The following HSD17B12 variants were observed in gnomAD, a reference collection of about 807,000 sequenced individuals.
The protein encoded by HSD17B12 is very-long-chain 3-oxoacyl-CoA reductase.
A neutral mutation model predicts 39.3 loss-of-function variants in HSD17B12; 32 were observed. The observed-to-expected ratio is 0.81, with a 90% CI of 0.61 to 1.09. The LOEUF (loss-of-function observed/expected upper bound fraction) is 1.09. Among genes scored for constraint, HSD17B12 ranks in the 50% least tolerant of loss-of-function variants. The pLI is 0.00. For missense variants in HSD17B12, 342 were observed against 382.9 expected (o/e 0.89, Z 0.89); for synonymous variants, 150 against 146.7 (o/e 1.02, Z -0.16).
chr11:43,709,846 G>C (rs1472095916), intron 1 of HSD17B12, among the ~76,000 whole-genome samples: 1 of 152,162 alleles, frequency 6.6e-6, no homozygotes, highest in Non-Finnish European at 1.5e-5. Flanking sequence ...ATCTCTTGGT[G>C]AACACTGGGC....
chr11:43,734,187 T>C (rs1950295129), intron 1 of HSD17B12: 15 of 1,572,958 alleles, frequency 9.5e-6, no homozygotes, highest in Non-Finnish European at 1.3e-5. Flanking sequence ...AGAGAGCTGG[T>C]CTCCAGGCAG....
intron 1 of HSD17B12, among the ~76,000 whole-genome samples, chr11:43,725,860 C>G (rs1950215823): frequency 6.6e-6 from 1 of 151,958 alleles, no homozygotes; most frequent in Non-Finnish European, 1.5e-5. Flanking sequence ...AACAGAGGAA[C>G]AGATATGAGA....
At chr11:43,671,058 C>T in the HSD17B12 span, among the ~76,000 whole-genome samples, 3 of 152,254 alleles carry the variant, frequency 2.0e-5, no homozygotes, top group Admixed American at 2.0e-4. Flanking sequence ...TCAAATTCCG[C>T]TATATTATTT....
intron 3 of HSD17B12, among the ~76,000 whole-genome samples, chr11:43,762,787 C>T (rs879106793): frequency 3.3e-5 from 5 of 152,152 alleles, no homozygotes; most frequent in Admixed American, 1.3e-4. Context: ...TTGTTGATAA[C>T]GTAATCTTAG....
the HSD17B12 span, among the ~76,000 whole-genome samples, chr11:43,612,478 T>C: frequency 6.6e-6 from 1 of 152,192 alleles, no homozygotes; most frequent in Non-Finnish European, 1.5e-5. Context: ...ATATATAGTC[T>C]GTCAGAGTGG....
At chr11:43,718,172 G>T (rs984152923) in intron 1 of HSD17B12, among the ~76,000 whole-genome samples, 2 of 152,188 alleles carry the variant, frequency 1.3e-5, no homozygotes, top group Non-Finnish European at 2.9e-5. Context: ...GAAGGGAAAA[G>T]ATTCTACTTT....
chr11:43,756,695 G>C (rs913929919), intron 3 of HSD17B12, among the ~76,000 whole-genome samples: 1 of 152,140 alleles, frequency 6.6e-6, no homozygotes, highest in African/African-American at 2.4e-5. Context: ...TGAATCTACC[G>C]TCTACTCGAT....
chr11:43,768,095 A>C (rs1057389377), intron 3 of HSD17B12, among the ~76,000 whole-genome samples: 1 of 152,170 alleles, frequency 6.6e-6, no homozygotes, highest in African/African-American at 2.4e-5. Context: ...ACTGAGTTCT[A>C]ATCTTTGACT....
intron 1 of HSD17B12, among the ~76,000 whole-genome samples, chr11:43,703,396 G>A (rs956318769): frequency 1.7e-4 from 26 of 152,102 alleles, no homozygotes; most frequent in South Asian, 6.2e-4. Context: ...GGGTTTCACC[G>A]TTTTAGCCGG....
intron 1 of HSD17B12, among the ~76,000 whole-genome samples, chr11:43,739,988 G>T (rs1430045853): frequency 6.6e-6 from 1 of 152,148 alleles, no homozygotes; most frequent in African/African-American, 2.4e-5. Flanking sequence ...TGTAGAGATT[G>T]AATTGGAGAG....
At chr11:43,779,872 T>TA (rs1422772638) in intron 3 of HSD17B12, among the ~76,000 whole-genome samples, 1 of 152,214 alleles carries the variant, frequency 6.6e-6, no homozygotes, top group Non-Finnish European at 1.5e-5. Context: ...TCGTTCATCT[T>TA]ACTACTGTTT....
At chr11:43,575,289 G>C in the HSD17B12 span, among the ~76,000 whole-genome samples, 19 of 152,366 alleles carry the variant, frequency 1.2e-4, no homozygotes, top group African/African-American at 3.8e-4. This position sits in a 1 kb window ranked among gnomAD's most constrained non-coding sequence, Gnocchi z 4.1. Context: ...GAAAAGGAGG[G>C]AGAAAAAGAG....
At chr11:43,706,534 C>G (rs928970325) in intron 1 of HSD17B12, among the ~76,000 whole-genome samples, 6 of 152,248 alleles carry the variant, frequency 3.9e-5, no homozygotes, top group Admixed American at 3.9e-4. Flanking sequence ...CAGAGTGAGA[C>G]TCTGTATCAA....
chr11:43,789,187 G>A (rs1299145353), intron 3 of HSD17B12, among the ~76,000 whole-genome samples: 2 of 152,190 alleles, frequency 1.3e-5, no homozygotes, highest in African/African-American at 4.8e-5. Flanking sequence ...CTGCAAGAAT[G>A]AGTTGCTTTC....
chr11:43,716,871 C>G (rs1398235410), intron 1 of HSD17B12, among the ~76,000 whole-genome samples: 1 of 151,204 alleles, frequency 6.6e-6, no homozygotes, highest in Non-Finnish European at 1.5e-5. Flanking sequence ...GAAAGGTGCC[C>G]CAGAAGAGGA....
the HSD17B12 span, among the ~76,000 whole-genome samples, chr11:43,644,048 T>C: frequency 1.3e-5 from 2 of 152,088 alleles, no homozygotes; most frequent in African/African-American, 4.8e-5. Context: ...TAACTATAGG[T>C]GTTTGAGAAA....
chr11:43,695,726 A>G (rs1185802666), intron 1 of HSD17B12, among the ~76,000 whole-genome samples: 1 of 151,952 alleles, frequency 6.6e-6, no homozygotes, highest in Non-Finnish European at 1.5e-5. Flanking sequence ...GAAGGAGGAA[A>G]ATGGGCTTAG....
chr11:43,563,061 A>G, the HSD17B12 span, among the ~76,000 whole-genome samples: 1 of 152,180 alleles, frequency 6.6e-6, no homozygotes, highest in Non-Finnish European at 1.5e-5. Flanking sequence ...AGGTATCACT[A>G]TCTACTCCTC....
chr11:43,577,641 G>T, the HSD17B12 span, among the ~76,000 whole-genome samples: 1 of 151,996 alleles, frequency 6.6e-6, no homozygotes, highest in Non-Finnish European at 1.5e-5. Flanking sequence ...TGTAATTCCC[G>T]GGAGGTGTGT....
Sources: allele counts gnomAD v4.1 joint callset (sites outside exome capture counted in the v4.1 genomes callset), GRCh38; gene constraint gnomAD v4.1.1; non-coding constraint Gnocchi (gnomAD v3.1); transcripts MANE v1.5; gene names NCBI Gene and HGNC (gene_info 2026-07-23, HGNC 2026-07-21).